Variants in ACAP2 observed in about 807,000 individuals in gnomAD.
ACAP2 encodes the protein arf-GAP with coiled-coil, ANK repeat and PH domain-containing protein 2.
In ACAP2, 39 loss-of-function variants were observed where a neutral mutation model predicts 115.8. The observed-to-expected ratio is 0.34, with a 90% CI of 0.26 to 0.44. ACAP2 has a LOEUF of 0.44. Among genes scored for constraint, ACAP2 ranks in the 20% least tolerant of loss-of-function variants. The pLI, the probability that ACAP2 is intolerant of heterozygous loss-of-function variation, is 1.00. For missense variants in ACAP2, 662 were observed against 927.6 expected, an observed-to-expected ratio of 0.71 and a Z score of 3.72; for synonymous variants, 289 against 315.8, an observed-to-expected ratio of 0.92 and a Z score of 0.90.
chr3:195,436,129 A>T (rs899275283), intron 1 of ACAP2, among the ~76,000 whole-genome samples: 12 of 128,890 alleles, frequency 9.3e-5, no homozygotes, highest in African/African-American at 3.3e-4. Context: ...GTATATATAT[A>T]TATATTTTTT....
chr3:195,285,870 AAAAT>A lies in ACAP2; in HGVS notation c.2175-17_2175-14del, dbSNP rs1726810879. On this transcript the variant is annotated splice_polypyrimidine_tract_variant and intron_variant, in intron 21 of 22. Transcript: ENST00000326793. ...TGCTAAACGTAACCTAAAAATAAAT[AAAAT>A]AGTGTTTTAGATGACATTATATAAT... 3 of 1,594,174 alleles carry A rather than the reference AAAAT, an allele frequency of 1.9e-6. No individual in the cohort carries two copies. The highest frequency in any genetic ancestry group is 1.1e-5 in the South Asian group (1 of 90,020).
intron 1 of ACAP2, among the ~76,000 whole-genome samples, chr3:195,428,779 A>G (rs1219759940): frequency 6.6e-6 from 1 of 152,238 alleles, no homozygotes; most frequent in Non-Finnish European, 1.5e-5. Context: ...TCAAAAGGTG[A>G]TATTACCAAA....
At chr3:195,376,822 C>T (rs1422122412) in intron 4 of ACAP2, among the ~76,000 whole-genome samples, 2 of 152,172 alleles carry the variant, frequency 1.3e-5, no homozygotes, top group Non-Finnish European at 2.9e-5. Context: ...AGACTTTTAT[C>T]CTTACACAAA....
intron 5 of ACAP2, among the ~76,000 whole-genome samples, chr3:195,344,253 C>A (rs1036751137): frequency 6.6e-6 from 1 of 151,970 alleles, no homozygotes; most frequent in Non-Finnish European, 1.5e-5. Flanking sequence ...AGAAAAGAAA[C>A]TGTAATACAT....
chr3:195,281,684 A>G (rs554397703), intron 22 of ACAP2, among the ~76,000 whole-genome samples: 1 of 152,236 alleles, frequency 6.6e-6, no homozygotes, highest in African/African-American at 2.4e-5. Flanking sequence ...AGACAATCCA[A>G]TTATACCCAT....
At chr3:195,398,637 CTAAATAAATAAA>C (rs55788907) in intron 1 of ACAP2, among the ~76,000 whole-genome samples, 106 of 142,850 alleles carry the variant, frequency 7.4e-4, no homozygotes, top group Middle Eastern at 3.5e-3. Flanking sequence ...AACTCCAACT[CTAAATAAATAAA>C]TAAATAAATA....
In ACAP2 at chr3:195,301,614, T is replaced by C; in HGVS notation, c.1356A>G (p.Arg452=). The C allele has an allele frequency of 6.2e-7, 1 of 1,613,610 alleles. No individual in the cohort carries two copies. Among genetic ancestry groups the C allele is most frequent in the Non-Finnish European group, 8.5e-7 (1 of 1,179,896 alleles). Residue 452 remains arginine, a synonymous_variant, in exon 15 of 23, where the codon CGA becomes CGG. Coordinates refer to ENST00000326793, the MANE Select transcript of ACAP2 (RefSeq NM_012287.6). The part of the protein sequence containing the change: ...RSLGVHFSKV[R]SLTLDTWEPE... Reference sequence around the variant, plus strand: ...GCTCCCAGGTGTCTAAAGTTAAAGATCGTACTTTTGAAAAATGAACCCCAA... The same window carrying C: ...GCTCCCAGGTGTCTAAAGTTAAAGACCGTACTTTTGAAAAATGAACCCCAA...
chr3:195,361,244 G>A (rs1216752175), intron 4 of ACAP2, among the ~76,000 whole-genome samples: 4 of 152,094 alleles, frequency 2.6e-5, no homozygotes. Flanking sequence ...AGACCAGCCT[G>A]GCCAACATGG....
chr3:195,375,439 G>A (rs2108738559), intron 4 of ACAP2, among the ~76,000 whole-genome samples: 1 of 142,732 alleles, frequency 7.0e-6, no homozygotes, highest in South Asian at 2.2e-4. Flanking sequence ...AAACTACCCT[G>A]TTCTCACTGC....
At chr3:195,419,410 T>G (rs751882564) in intron 1 of ACAP2, 2 of 152,162 alleles carry the variant, frequency 1.3e-5, no homozygotes, top group Non-Finnish European at 1.5e-5. Context: ...TATCTTTCAC[T>G]TACTGGGGGA....
chr3:195,411,555 G>GA (rs1713263301), intron 1 of ACAP2, among the ~76,000 whole-genome samples: 1 of 152,026 alleles, frequency 6.6e-6, no homozygotes, highest in Admixed American at 6.6e-5. Context: ...TAAATTGGAA[G>GA]AAAAAATACA....
chr3:195,307,075 A>T (rs1409314590), intron 12 of ACAP2, 148 bp downstream of exon 12: 3 of 546,124 alleles, frequency 5.5e-6, no homozygotes, highest in African/African-American at 1.9e-5. Context: ...TAATATCTGT[A>T]ACCATTAATT....
At chr3:195,340,782 G>C (rs1730816240) in intron 6 of ACAP2, among the ~76,000 whole-genome samples, 1 of 152,054 alleles carries the variant, frequency 6.6e-6, no homozygotes, top group Non-Finnish European at 1.5e-5. Flanking sequence ...CTGTAGTGTG[G>C]GTACACTACA....
At chr3:195,280,082 G>A (rs4461369) in intron 22 of ACAP2, among the ~76,000 whole-genome samples, 39,634 of 150,774 alleles carry the variant, frequency 0.26, 6,067 homozygotes, top group East Asian at 0.72. Context: ...TGGGTGGGGG[G>A]GTTGGGGGGA....
chr3:195,427,420 C>A (rs4677671), intron 1 of ACAP2, among the ~76,000 whole-genome samples: 26,391 of 151,870 alleles, frequency 0.17, 2,522 homozygotes, highest in Admixed American at 0.28. Context: ...AAAGGTGATA[C>A]CTTCTCGGAG....
At chr3:195,303,167 G>A (rs1377450151) in intron 13 of ACAP2, among the ~76,000 whole-genome samples, 1 of 152,184 alleles carries the variant, frequency 6.6e-6, no homozygotes, top group Non-Finnish European at 1.5e-5. Flanking sequence ...AGTGAGCCAA[G>A]ATCATGTTGA....
intron 1 of ACAP2, among the ~76,000 whole-genome samples, chr3:195,434,769 A>G (rs1715405607): frequency 6.6e-6 from 1 of 151,974 alleles, no homozygotes; most frequent in African/African-American, 2.4e-5. Context: ...TTAAATCTCT[A>G]TTTTTTATAG....
At chr3:195,371,044 G>A (rs1041878815) in intron 4 of ACAP2, among the ~76,000 whole-genome samples, 10 of 151,272 alleles carry the variant, frequency 6.6e-5, no homozygotes, top group East Asian at 1.9e-4. Flanking sequence ...TTGGCTATTC[G>A]AACACTTTTT....
intron 1 of ACAP2, among the ~76,000 whole-genome samples, chr3:195,401,973 A>G (rs1253791054): frequency 1.3e-5 from 2 of 152,188 alleles, no homozygotes; most frequent in East Asian, 3.8e-4. Flanking sequence ...ACCACCTGGG[A>G]TGGTAAACTT....
Sources: allele counts gnomAD v4.1 joint callset (sites outside exome capture counted in the v4.1 genomes callset), GRCh38; gene constraint gnomAD v4.1.1; transcripts MANE v1.5; gene names NCBI Gene and HGNC (gene_info 2026-07-23, HGNC 2026-07-21).